The following MBOAT1 variants were observed in gnomAD, a reference collection of about 807,000 sequenced individuals.
MBOAT1 encodes the protein membrane bound glycerophospholipid O-acyltransferase 1, also known as membrane-bound glycerophospholipid O-acyltransferase 1.
MBOAT1 carries 67 observed loss-of-function variants against 64.4 expected under a neutral mutation model. That is an observed-to-expected ratio of 1.04 (90% CI 0.85 to 1.27). The LOEUF (loss-of-function observed/expected upper bound fraction) is 1.27, where lower values mean the gene tolerates loss of function less well. Ranked by LOEUF, MBOAT1 falls within the 50% of genes most tolerant of loss-of-function variation. The pLI, the probability that MBOAT1 is intolerant of heterozygous loss-of-function variation, is 0.00. For missense variants in MBOAT1, 563 were observed against 604.6 expected, an observed-to-expected ratio of 0.93 and a Z score of 0.72; for synonymous variants, 229 against 218.9, an observed-to-expected ratio of 1.05 and a Z score of -0.41.
chr6:20,107,675 T>A (rs1038382305), intron 12 of MBOAT1, among the ~76,000 whole-genome samples: 2 of 152,116 alleles, frequency 1.3e-5, no homozygotes, highest in Non-Finnish European at 2.9e-5. Flanking sequence ...CCTAGCACAC[T>A]ACAGGTATTA....
At position 20,100,368 on chromosome 6, in the gene MBOAT1, T is replaced by C. The variant is rs1759754214; in HGVS notation, c.*1918A>G. Reference sequence around the variant, plus strand: ...AACTATTCTTGGTGGAGACAAACTCTGACAGATTTTAGATACCTACAACCC... The same window carrying C: ...AACTATTCTTGGTGGAGACAAACTCCGACAGATTTTAGATACCTACAACCC... On this transcript the variant is annotated 3_prime_UTR_variant, in exon 13 of 13. Coordinates refer to ENST00000324607, the MANE Select transcript of MBOAT1 (RefSeq NM_001080480.3). Among the ~76,000 whole-genome samples the C allele has an allele frequency of 6.6e-6, 1 of 152,220 alleles. No individual in the cohort carries two copies. The highest frequency in any genetic ancestry group is 1.5e-5 in the Non-Finnish European group (1 of 68,034).
intron 1 of MBOAT1, among the ~76,000 whole-genome samples, chr6:20,206,113 C>T (rs574080843): frequency 2.2e-4 from 33 of 152,328 alleles, no homozygotes; most frequent in African/African-American, 7.2e-4. Flanking sequence ...GACAGCAAAG[C>T]CAAGGTCAGA....
chr6:20,193,002 T>C (rs1401674685), intron 1 of MBOAT1, among the ~76,000 whole-genome samples: 1 of 88,544 alleles, frequency 1.1e-5, no homozygotes, highest in Non-Finnish European at 2.5e-5. Flanking sequence ...TTTCTTTTTT[T>C]TTTTTTTTTT....
chr6:20,208,445 C>A (rs868021306), intron 1 of MBOAT1, among the ~76,000 whole-genome samples: 40 of 74,834 alleles, frequency 5.3e-4, no homozygotes, highest in African/African-American at 9.6e-4. Context: ...GACTCTGTCT[C>A]AAAAAAAAAA....
chr6:20,168,704 G>A (rs1207186369), intron 1 of MBOAT1, among the ~76,000 whole-genome samples: 4 of 136,370 alleles, frequency 2.9e-5, no homozygotes, highest in Admixed American at 1.5e-4. Context: ...AGAGAGGAGA[G>A]GAGGGGAGGA....
At chr6:20,152,039 G>T (rs73384441) in intron 2 of MBOAT1, among the ~76,000 whole-genome samples, 2,568 of 152,214 alleles carry the variant, frequency 0.017, 51 homozygotes, top group African/African-American at 0.049. Context: ...AGAAAAAATG[G>T]GCTGGGGATG....
At chr6:20,163,253 TTAGGACTCTTA>T (rs891160688) in intron 1 of MBOAT1, among the ~76,000 whole-genome samples, 108 of 152,052 alleles carry the variant, frequency 7.1e-4, no homozygotes, top group Non-Finnish European at 6.8e-4. Context: ...TCAGGACCAT[TTAGGACTCTTA>T]AAAAACCCTG....
chr6:20,156,696 C>T (rs1215770391), intron 1 of MBOAT1, among the ~76,000 whole-genome samples: 1 of 152,124 alleles, frequency 6.6e-6, no homozygotes, highest in Non-Finnish European at 1.5e-5. Context: ...ACATTTGAAC[C>T]CATGTGCACT....
intron 4 of MBOAT1, among the ~76,000 whole-genome samples, chr6:20,139,728 AT>A (rs963282957): frequency 1.3e-5 from 2 of 150,342 alleles, no homozygotes; most frequent in Non-Finnish European, 3.0e-5. Flanking sequence ...TGAGTTTTAA[AT>A]TTTTTTGTAA....
chr6:20,117,845 A>G (rs1286400968), intron 9 of MBOAT1, among the ~76,000 whole-genome samples: 3 of 152,226 alleles, frequency 2.0e-5, no homozygotes, highest in African/African-American at 4.8e-5. Context: ...TCTGAGAGCT[A>G]GCAATGCAAA....
At chr6:20,156,133 T>A (rs867558220) in intron 1 of MBOAT1, among the ~76,000 whole-genome samples, 3 of 151,706 alleles carry the variant, frequency 2.0e-5, no homozygotes, top group Non-Finnish European at 4.4e-5. Context: ...TAGCCGGGCG[T>A]GGTGGTGGGC....
chr6:20,147,738 G>A (rs1431955759), intron 3 of MBOAT1, among the ~76,000 whole-genome samples: 1 of 151,894 alleles, frequency 6.6e-6, no homozygotes, highest in Non-Finnish European at 1.5e-5. Flanking sequence ...TTACCTCTCT[G>A]AGCTTTTATT....
In MBOAT1 at chr6:20,100,931, C is replaced by A. The variant is rs937592891; in HGVS notation, c.*1355G>T. Among the ~76,000 whole-genome samples the A allele has an allele frequency of 6.6e-6, 1 of 152,104 alleles. No individual in the cohort carries two copies. Among genetic ancestry groups the A allele is most frequent in the African/African-American group, 2.4e-5 (1 of 41,402 alleles). On this transcript the variant is annotated 3_prime_UTR_variant, in exon 13 of 13. Coordinates refer to ENST00000324607, the MANE Select transcript of MBOAT1 (RefSeq NM_001080480.3). The stretch of plus-strand genomic sequence containing the variant: ...TCTCCAAAAGGGGCCATAGCACATT[C>A]ATAACAAAGATAGAAAAGAAAACTT...
intron 1 of MBOAT1, among the ~76,000 whole-genome samples, chr6:20,166,851 A>C (rs1478705176): frequency 6.6e-6 from 1 of 152,030 alleles, no homozygotes; most frequent in African/African-American, 2.4e-5. Context: ...AGGTAGGAGG[A>C]TCACTTAAGC....
At chr6:20,196,254 C>T (rs1017387985) in intron 1 of MBOAT1, among the ~76,000 whole-genome samples, 4 of 152,176 alleles carry the variant, frequency 2.6e-5, no homozygotes, top group African/African-American at 9.7e-5. Context: ...TAAATCTGGT[C>T]TCAAAATATT....
At chr6:20,206,182 C>CT (rs373755311) in intron 1 of MBOAT1, among the ~76,000 whole-genome samples, 7,945 of 151,350 alleles carry the variant, frequency 0.052, 207 homozygotes, top group Non-Finnish European at 0.057. Context: ...TTTTCTTTTT[C>CT]TTTTTTTTTG....
chr6:20,143,733 C>T (rs528527155), intron 4 of MBOAT1, among the ~76,000 whole-genome samples: 1 of 152,162 alleles, frequency 6.6e-6, no homozygotes, highest in South Asian at 2.1e-4. Flanking sequence ...AACAAACCTG[C>T]ACATGTACCC....
chr6:20,200,908 G>T (rs1763103527), intron 1 of MBOAT1, among the ~76,000 whole-genome samples: 1 of 152,218 alleles, frequency 6.6e-6, no homozygotes, highest in Non-Finnish European at 1.5e-5. Context: ...CAGCCAAGGA[G>T]CAGGTGTTCC....
At chr6:20,147,059 G>A (rs1761346327) in intron 3 of MBOAT1, among the ~76,000 whole-genome samples, 1 of 152,202 alleles carries the variant, frequency 6.6e-6, no homozygotes, top group African/African-American at 2.4e-5. Flanking sequence ...TGATGGTTTT[G>A]TAAAGGGGAT....
Sources: allele counts gnomAD v4.1 joint callset (sites outside exome capture counted in the v4.1 genomes callset), GRCh38; gene constraint gnomAD v4.1.1; transcripts MANE v1.5; gene names NCBI Gene and HGNC (gene_info 2026-07-23, HGNC 2026-07-21).